STXBP5: variants seen among roughly 807,000 people sequenced by gnomAD.
STXBP5 encodes the protein syntaxin binding protein 5.
STXBP5 carries 50 observed loss-of-function variants against 152.4 expected under a neutral mutation model. The ratio of observed to expected loss-of-function variants is 0.33; its 90% CI spans 0.26 to 0.42. The LOEUF (loss-of-function observed/expected upper bound fraction) is 0.42. Ranked by LOEUF, STXBP5 falls within the 10% of genes least tolerant of loss-of-function variation. The pLI is 1.00. For missense variants in STXBP5, 1,167 were observed against 1,388.6 expected (o/e 0.84, Z 2.54); for synonymous variants, 492 against 494.7 (o/e 0.99, Z 0.07).
chr6:147,386,311 A>G lies in STXBP5; in HGVS notation c.*1556A>G, dbSNP rs1233190872. 6.6e-6 allele frequency: 1 copy of G among 151,894 alleles called. No homozygotes were observed. Among genetic ancestry groups the G allele is most frequent in the Non-Finnish European group, 1.5e-5 (1 of 67,836 alleles). 9.4% of individuals were successfully genotyped at this position (151,894 alleles called of 1,614,324 possible). On this transcript the variant is annotated 3_prime_UTR_variant, in exon 28 of 28. Coordinates refer to ENST00000321680, the MANE Select transcript of STXBP5 (RefSeq NM_001127715.4). ...TAATCAGAGCACAAATTGATAGTAA[A>G]CAGGATGGTTGTTTTTCTATTCTAT...
At chr6:147,336,783 A>G (rs1392962128) in intron 19 of STXBP5, among the ~76,000 whole-genome samples, 2 of 152,140 alleles carry the variant, frequency 1.3e-5, no homozygotes, top group Non-Finnish European at 2.9e-5. Flanking sequence ...TGGAAGACCA[A>G]TATAGAAATA....
At chr6:147,294,087 T>C (rs1781403387) in intron 9 of STXBP5, among the ~76,000 whole-genome samples, 1 of 152,180 alleles carries the variant, frequency 6.6e-6, no homozygotes, top group Non-Finnish European at 1.5e-5. Flanking sequence ...AAATAAAGTA[T>C]TTTAGTGGCA....
At chr6:147,344,763 A>G (rs894758230) in intron 21 of STXBP5, among the ~76,000 whole-genome samples, 2 of 151,340 alleles carry the variant, frequency 1.3e-5, no homozygotes, top group African/African-American at 2.4e-5. Context: ...TAGGGCTTCT[A>G]TATATGAATT....
chr6:147,339,466 G>A lies in STXBP5; in HGVS notation c.2254+82G>A, dbSNP rs182074432. The A allele has an allele frequency of 8.7e-5, 92 of 1,053,936 alleles. 1 individual carries two copies. In the East Asian group the frequency reaches 2.8e-3, roughly 33 times the overall value. The allele number at this position is 1,053,936 out of a possible 1,614,324, so 65.3% of individuals were successfully genotyped here. A position where few individuals can be genotyped will look rare whatever the true frequency, so the allele number is the denominator to read the frequency against. On this transcript the variant is annotated intron_variant, in intron 21 of 27. Transcript: ENST00000321680. ...CAACACCAGAATTATCCAGTGCATT[G>A]CATTTTTGTGTAAATTTGTTGTTCC...
intron 2 of STXBP5, among the ~76,000 whole-genome samples, chr6:147,213,477 T>TGTGTGTGTGCGC: frequency 1.6e-3 from 211 of 131,306 alleles, no homozygotes; most frequent in African/African-American, 6.2e-3. Context: ...TGTGTGTGTG[T>TGTGTGTGTGCGC]GCGCGCGCAT....
chr6:147,231,103 GA>G (rs943151625), intron 2 of STXBP5, among the ~76,000 whole-genome samples: 2 of 151,704 alleles, frequency 1.3e-5, no homozygotes, highest in Non-Finnish European at 3.0e-5. Context: ...AAAATAAATA[GA>G]TAAGGTTTTA....
chr6:147,237,422 A>C (rs1778333074), intron 3 of STXBP5, among the ~76,000 whole-genome samples: 1 of 152,216 alleles, frequency 6.6e-6, no homozygotes, highest in Non-Finnish European at 1.5e-5. Flanking sequence ...CATAAGAAGA[A>C]GACAGCTATT....
chr6:147,318,479 G>T (rs1193246372), intron 16 of STXBP5, among the ~76,000 whole-genome samples: 1 of 152,102 alleles, frequency 6.6e-6, no homozygotes, highest in Non-Finnish European at 1.5e-5. Flanking sequence ...TACTGACTTC[G>T]TTCTGCAATT....
At chr6:147,369,749 T>G (rs1269733962) in intron 25 of STXBP5, among the ~76,000 whole-genome samples, 1 of 151,994 alleles carries the variant, frequency 6.6e-6, no homozygotes, top group African/African-American at 2.4e-5. Flanking sequence ...TAAACCCCTT[T>G]GAGAGTGGTT....
At chr6:147,314,663 G>C (rs750690032) in intron 14 of STXBP5, 27 bp downstream of exon 14, 1 of 1,555,352 alleles carries the variant, frequency 6.4e-7, no homozygotes, top group Non-Finnish European at 8.8e-7. Flanking sequence ...TTCATTATTT[G>C]TTATATGTTA....
At chr6:147,369,902 C>T (rs1583006659) in intron 25 of STXBP5, among the ~76,000 whole-genome samples, 1 of 151,850 alleles carries the variant, frequency 6.6e-6, no homozygotes, top group South Asian at 2.1e-4. Context: ...ATTCATGAAC[C>T]AAAGACCCAG....
chr6:147,283,786 T>TA (rs1006770445), intron 8 of STXBP5, among the ~76,000 whole-genome samples: 4 of 151,984 alleles, frequency 2.6e-5, no homozygotes, highest in African/African-American at 4.8e-5. Flanking sequence ...TGGCCAAAAG[T>TA]AAAAAAACAG....
At position 147,364,822 on chromosome 6, in the gene STXBP5, A is replaced by C. The variant is rs556033391; in HGVS notation, c.3081+656A>C. 1.2e-3 allele frequency among the ~76,000 whole-genome samples: 179 copies of C among 152,312 alleles called. 2 individuals carry two copies. Among genetic ancestry groups the C allele is most frequent in the African/African-American group, 4.1e-3 (170 of 41,570 alleles). On this transcript the variant is annotated intron_variant, in intron 25 of 27. Coordinates refer to ENST00000321680, the MANE Select transcript of STXBP5 (RefSeq NM_001127715.4). ...ATATTTAGAGGAAAGTACTATCTAG[A>C]GGAACTTTATAATGAAAGTTTTTGC...
At chr6:147,284,657 G>A (rs1042356028) in intron 8 of STXBP5, among the ~76,000 whole-genome samples, 2 of 152,136 alleles carry the variant, frequency 1.3e-5, no homozygotes, top group Non-Finnish European at 2.9e-5. Flanking sequence ...GCAAAGAGCA[G>A]GGCAAAGTTA....
intron 16 of STXBP5, among the ~76,000 whole-genome samples, chr6:147,317,199 A>G (rs934009762): frequency 2.0e-5 from 3 of 152,192 alleles, no homozygotes; most frequent in African/African-American, 7.2e-5. Flanking sequence ...GCATTTATTA[A>G]AAGGACCAGG....
chr6:147,234,104 G>C (rs1375102652), intron 2 of STXBP5, among the ~76,000 whole-genome samples: 1 of 151,592 alleles, frequency 6.6e-6, no homozygotes, highest in Non-Finnish European at 1.5e-5. Flanking sequence ...TTTTCATTAA[G>C]AACTTTGTGG....
At chr6:147,324,030 G>A (rs1386926039) in intron 16 of STXBP5, among the ~76,000 whole-genome samples, 1 of 152,042 alleles carries the variant, frequency 6.6e-6, no homozygotes, top group Non-Finnish European at 1.5e-5. Context: ...TTTTCTGTCT[G>A]TGTTCTGCAA....
At chr6:147,269,764 T>C (rs1562451748) in intron 7 of STXBP5, among the ~76,000 whole-genome samples, 1 of 151,984 alleles carries the variant, frequency 6.6e-6, no homozygotes, top group Non-Finnish European at 1.5e-5. Flanking sequence ...CTTCAGGAAA[T>C]AGCAGTAGAA....
chr6:147,344,438 G>A (rs1456331068), intron 21 of STXBP5, among the ~76,000 whole-genome samples: 3 of 152,166 alleles, frequency 2.0e-5, no homozygotes, highest in Non-Finnish European at 4.4e-5. Context: ...TATTTTATTA[G>A]TTTGTTAGGA....
Sources: allele counts gnomAD v4.1 joint callset (sites outside exome capture counted in the v4.1 genomes callset), GRCh38; gene constraint gnomAD v4.1.1; transcripts MANE v1.5; gene names NCBI Gene and HGNC (gene_info 2026-07-23, HGNC 2026-07-21).